Variants in PPP1CB observed in about 807,000 individuals in gnomAD.
PPP1CB encodes the protein serine/threonine-protein phosphatase PP1-beta catalytic subunit.
PPP1CB carries 2 observed loss-of-function variants against 43.7 expected under a neutral mutation model. The observed-to-expected ratio is 0.05, with a 90% CI of 0.02 to 0.14. The LOEUF is 0.14. Ranked by LOEUF, PPP1CB falls within the 10% of genes least tolerant of loss-of-function variation. The pLI is 1.00. For missense variants in PPP1CB, 84 were observed against 398.0 expected, an observed-to-expected ratio of 0.21 and a Z score of 6.71; for synonymous variants, 136 against 135.6, an observed-to-expected ratio of 1.00 and a Z score of -0.02.
chr2:28,769,807 A>G (rs559480803), intron 1 of PPP1CB, among the ~76,000 whole-genome samples: 167 of 152,166 alleles, frequency 1.1e-3, no homozygotes, highest in Non-Finnish European at 1.4e-3. Context: ...AAAAGAATAT[A>G]TAACGAAAAG....
At position 28,802,523 on chromosome 2, in the gene PPP1CB, A is replaced by G. The variant is rs1234878543; in HGVS notation, c.*3220A>G. 1.3e-5 allele frequency: 2 copies of G among 152,206 alleles called. No homozygotes were observed. The highest frequency in any genetic ancestry group is 4.8e-5 in the African/African-American group (2 of 41,454). The allele number at this position is 152,206 out of a possible 1,614,324, so 9.4% of individuals were successfully genotyped here. ...CTTTCCCTCTTCCTAGTAGATCTCA[A>G]TGTTTTATAATTCCTTAAAACAGCT... On this transcript the variant is annotated 3_prime_UTR_variant, in exon 8 of 8. Coordinates refer to ENST00000395366, the MANE Select transcript of PPP1CB (RefSeq NM_002709.3).
intron 7 of PPP1CB, among the ~76,000 whole-genome samples, chr2:28,798,640 A>G (rs373505653): frequency 1.2e-3 from 122 of 103,392 alleles, no homozygotes; most frequent in Middle Eastern, 5.6e-3. Flanking sequence ...AGGCAATTCT[A>G]TAGAGACACA....
intron 1 of PPP1CB, among the ~76,000 whole-genome samples, chr2:28,770,392 A>AGGGGGGGGGGGGG (rs1572452462): frequency 1.9e-5 from 1 of 52,244 alleles, no homozygotes; most frequent in African/African-American, 7.8e-5. Flanking sequence ...GGGGGGGGGG[A>AGGGGGGGGGGGGG]GGGGGGTGTG....
At chr2:28,794,027 T>C (rs1382092689) in intron 7 of PPP1CB, 30 bp downstream of exon 7, 1 of 1,531,144 alleles carries the variant, frequency 6.5e-7, no homozygotes, top group African/African-American at 1.4e-5. Context: ...ATATAAGAAC[T>C]AGAAATCTAA....
chr2:28,785,055 G>T (rs1283103479), intron 5 of PPP1CB, among the ~76,000 whole-genome samples: 1 of 109,582 alleles, frequency 9.1e-6, no homozygotes, highest in African/African-American at 3.3e-5. Context: ...GTAATAAATT[G>T]TGTTAGGAGC....
chr2:28,792,025 GA>G (rs1667398208), intron 6 of PPP1CB, among the ~76,000 whole-genome samples: 1 of 151,292 alleles, frequency 6.6e-6, no homozygotes. Flanking sequence ...AGTGAAACAC[GA>G]AACCCTGTCT....
At chr2:28,789,146 C>T (rs955061487) in intron 6 of PPP1CB, among the ~76,000 whole-genome samples, 3 of 152,140 alleles carry the variant, frequency 2.0e-5, no homozygotes, top group African/African-American at 4.8e-5. Context: ...GAGCCAGTTC[C>T]TGGATCTCAC....
chr2:28,752,317 C>A, intron 1 of PPP1CB, 141 bp downstream of exon 1: 6 of 818,314 alleles, frequency 7.3e-6, no homozygotes, highest in Non-Finnish European at 1.1e-5. Context: ...GCGGACGAAC[C>A]GAGGAGGGGG....
intron 5 of PPP1CB, among the ~76,000 whole-genome samples, chr2:28,786,664 A>T (rs559768600): frequency 6.1e-4 from 90 of 147,192 alleles, no homozygotes; most frequent in African/African-American, 2.2e-3. Context: ...AGTCCCAGCT[A>T]CTCGGGAGGC....
At chr2:28,783,584 C>T (rs1026572511) in intron 4 of PPP1CB, among the ~76,000 whole-genome samples, 2 of 151,876 alleles carry the variant, frequency 1.3e-5, no homozygotes, top group African/African-American at 2.4e-5. Flanking sequence ...GGTGAAACCC[C>T]GTCTCTACTA....
intron 1 of PPP1CB, among the ~76,000 whole-genome samples, chr2:28,775,923 C>T (rs904076950): frequency 6.6e-6 from 1 of 151,982 alleles, no homozygotes; most frequent in African/African-American, 2.4e-5. Context: ...ATCTAAATAG[C>T]CTTTAGAGGT....
intron 5 of PPP1CB, among the ~76,000 whole-genome samples, chr2:28,785,847 T>C (rs1667255902): frequency 6.6e-6 from 1 of 152,020 alleles, no homozygotes; most frequent in African/African-American, 2.4e-5. Flanking sequence ...AAATAAGGTA[T>C]AATATAAATA....
intron 1 of PPP1CB, among the ~76,000 whole-genome samples, chr2:28,764,306 A>G (rs1423298001): frequency 1.3e-5 from 2 of 151,834 alleles, no homozygotes; most frequent in Non-Finnish European, 2.9e-5. Context: ...TTAAAATACA[A>G]AAAATTAGCT....
rs1667589152 is a variant in PPP1CB at position 28,800,334 on chromosome 2, C to T, written c.*1031C>T. 6.9e-6 allele frequency: 1 copy of T among 143,938 alleles called. No homozygotes were observed. The highest frequency in any genetic ancestry group is 2.2e-4 in the South Asian group (1 of 4,464). 8.9% of individuals were successfully genotyped at this position (143,938 alleles called of 1,614,324 possible). On this transcript the variant is annotated 3_prime_UTR_variant, in exon 8 of 8. Coordinates refer to ENST00000395366, the MANE Select transcript of PPP1CB (RefSeq NM_002709.3). ...AAAGCTGACACTGTCTCTTTTTCCTCCCTCTATACGAAGGATGTATTTAAA... is the reference window on the plus strand; with the variant it reads ...AAAGCTGACACTGTCTCTTTTTCCTTCCTCTATACGAAGGATGTATTTAAA...
At chr2:28,789,067 T>G (rs978397847) in intron 6 of PPP1CB, among the ~76,000 whole-genome samples, 1 of 152,096 alleles carries the variant, frequency 6.6e-6, no homozygotes, top group Admixed American at 6.5e-5. Context: ...GCCCTCTCAT[T>G]TTGTTTTGAG....
At chr2:28,788,630 T>G in intron 5 of PPP1CB, 28 bp from the exon 6 acceptor site, 1 of 1,603,978 alleles carries the variant, frequency 6.2e-7, no homozygotes, top group East Asian at 2.2e-5. Flanking sequence ...AATTTTGTTC[T>G]TAATTGCTGT....
intron 1 of PPP1CB, among the ~76,000 whole-genome samples, chr2:28,767,354 G>A (rs1311863361): frequency 3.3e-5 from 5 of 151,852 alleles, no homozygotes; most frequent in African/African-American, 9.7e-5. Context: ...ATCAGTATAT[G>A]TTGTGGTTTT....
At chr2:28,782,215 A>G (rs181370453) in intron 4 of PPP1CB, among the ~76,000 whole-genome samples, 87 of 152,288 alleles carry the variant, frequency 5.7e-4, no homozygotes, top group African/African-American at 2.0e-3. Flanking sequence ...ATTCACATAT[A>G]TCAAGAATTC....
At chr2:28,754,292 G>A (rs888790242) in intron 1 of PPP1CB, among the ~76,000 whole-genome samples, 12 of 121,484 alleles carry the variant, frequency 9.9e-5, no homozygotes, top group African/African-American at 1.3e-4. Context: ...TTGTTTTTGT[G>A]AATTCAAATT....
Sources: allele counts gnomAD v4.1 joint callset (sites outside exome capture counted in the v4.1 genomes callset), GRCh38; gene constraint gnomAD v4.1.1; transcripts MANE v1.5; gene names NCBI Gene and HGNC (gene_info 2026-07-23, HGNC 2026-07-21).